MGAM: variants seen among roughly 807,000 people sequenced by gnomAD.
MGAM encodes maltase-glucoamylase, also known as alpha-1,4-glucosidase.
A neutral mutation model predicts 358.8 loss-of-function variants in MGAM; 253 were observed. The observed-to-expected ratio is 0.71, with a 90% CI of 0.64 to 0.78. The LOEUF is 0.78. Among genes scored for constraint, MGAM ranks in the 30% least tolerant of loss-of-function variants. The pLI, the probability that MGAM is intolerant of heterozygous loss-of-function variation, is 0.00. For missense variants in MGAM, 3,080 were observed against 3,432.6 expected (o/e 0.90, Z 2.57); for synonymous variants, 1,105 against 1,227.1 (o/e 0.90, Z 2.08).
intron 66 of MGAM, among the ~76,000 whole-genome samples, chr7:142,098,146 C>T (rs534186171): frequency 6.6e-6 from 1 of 152,194 alleles, no homozygotes; most frequent in African/African-American, 2.4e-5. Flanking sequence ...AGGCAATGTG[C>T]AAAACACACA....
chr7:142,079,934 C>T (rs1195550870), intron 49 of MGAM, among the ~76,000 whole-genome samples: 1 of 146,404 alleles, frequency 6.8e-6, no homozygotes, highest in African/African-American at 2.4e-5. Context: ...GAATGAACTT[C>T]CTTGGAGTTC....
intron 20 of MGAM, 164 bp downstream of exon 20, chr7:142,040,335 T>C: frequency 1.6e-6 from 1 of 631,704 alleles, no homozygotes. Context: ...CCTAAACCGT[T>C]AACATCAGTC....
intron 65 of MGAM, 57 bp from the exon 66 acceptor site, chr7:142,097,536 G>A: frequency 6.5e-7 from 1 of 1,532,972 alleles, no homozygotes; most frequent in Non-Finnish European, 9.0e-7. Flanking sequence ...AAGTATTTTG[G>A]TTTCTCTGTC....
chr7:142,045,238 TC>T (rs1809996808), intron 21 of MGAM, among the ~76,000 whole-genome samples: 1 of 31,946 alleles, frequency 3.1e-5, no homozygotes, highest in Non-Finnish European at 6.8e-5. Context: ...ATATTATATA[TC>T]ATATAATATA....
At chr7:141,988,879 T>A (rs1803820138) in intron 2 of MGAM, among the ~76,000 whole-genome samples, 1 of 152,224 alleles carries the variant, frequency 6.6e-6, no homozygotes, top group Non-Finnish European at 1.5e-5. Context: ...CTCTGAACAT[T>A]TCTGGGCAGA....
intron 41 of MGAM, among the ~76,000 whole-genome samples, chr7:142,066,996 A>T (rs943771328): frequency 2.7e-5 from 4 of 146,518 alleles, no homozygotes; most frequent in Admixed American, 1.4e-4. Context: ...GGCCTATCTT[A>T]TGTAGCAGTT....
At chr7:142,032,771 A>G (rs1807621371) in intron 13 of MGAM, 54 bp from the exon 14 acceptor site, 3 of 1,088,716 alleles carry the variant, frequency 2.8e-6, no homozygotes, top group Non-Finnish European at 4.1e-6. Flanking sequence ...CCATCACGAC[A>G]TCATAAGATA....
At chr7:142,009,132 C>G (rs1200136066) in intron 3 of MGAM, among the ~76,000 whole-genome samples, 1 of 152,100 alleles carries the variant, frequency 6.6e-6, no homozygotes, top group Non-Finnish European at 1.5e-5. Flanking sequence ...ATTTCCAAAG[C>G]TCATCTAGAA....
chr7:142,029,266 A>G (rs1321943413), intron 10 of MGAM, among the ~76,000 whole-genome samples: 3 of 152,030 alleles, frequency 2.0e-5, no homozygotes, highest in African/African-American at 7.2e-5. Context: ...AAGCTGAGAC[A>G]TGAGAATCAC....
chr7:142,008,868 A>T (rs1805381230), intron 3 of MGAM, among the ~76,000 whole-genome samples, 163 bp downstream of exon 3: 1 of 152,054 alleles, frequency 6.6e-6, no homozygotes, highest in African/African-American at 2.4e-5. Context: ...CCATGCTTGT[A>T]TGACAGTGCA....
intron 27 of MGAM, 131 bp from the exon 28 acceptor site, chr7:142,055,427 T>G (rs987490763): frequency 1.7e-5 from 19 of 1,086,502 alleles, no homozygotes; most frequent in African/African-American, 7.9e-5. Context: ...TCAAATTGAG[T>G]TTCAGTTTTG....
intron 1 of MGAM, among the ~76,000 whole-genome samples, chr7:142,003,936 A>G (rs1804948018): frequency 6.6e-6 from 1 of 152,168 alleles, no homozygotes; most frequent in South Asian, 2.1e-4. Context: ...AAAACATGAA[A>G]AAATGCTCAA....
intron 2 of MGAM, among the ~76,000 whole-genome samples, chr7:141,986,573 C>T (rs887541279): frequency 7.2e-5 from 11 of 152,158 alleles, no homozygotes; most frequent in South Asian, 6.2e-4. Context: ...TTTCCTATGG[C>T]ATTCTTTTCA....
At position 142,057,003 on chromosome 7, in the gene MGAM, C is replaced by T. The variant is rs747860293; in HGVS notation, c.3693+61C>T. The T allele has an allele frequency of 2.1e-4, 305 of 1,486,604 alleles. 2 individuals are homozygous for T. The highest frequency in any genetic ancestry group is 1.5e-4 in the Non-Finnish European group (160 of 1,077,070). 92.1% of individuals were successfully genotyped at this position (1,486,604 alleles called of 1,614,324 possible). A position where few individuals can be genotyped will look rare whatever the true frequency, so the allele number is the denominator to read the frequency against. On this transcript the variant is annotated intron_variant, in intron 30 of 70. Transcript: ENST00000475668. ...ACAGCACATTCTGGGTGCCAGAGTC[C>T]ACATTGATTAGTATAACTCTCAGTT...
chr7:142,100,863 C>A lies in MGAM; in HGVS notation c.7936C>A (p.Leu2646Ile), dbSNP rs1816382530. The change falls in exon 68 of 71, where the codon CTC becomes ATC. Residue 2646 changes from leucine to isoleucine, a missense_variant. By Grantham distance (5) the Leu-to-Ile change is conservative (BLOSUM62 2). Transcript: ENST00000475668. The part of the protein sequence containing the change: ...LDDEGTAGGW[L>I]FWDDGQSIDT... ...TGATGAAGGAACTGCTGGGGGCTGG[C>A]TCTTCTGGGATGATGGGCAAAGCAT... The A allele has an allele frequency of 1.2e-6, 2 of 1,613,066 alleles. No homozygotes were observed. The highest frequency in any genetic ancestry group is 4.5e-5 in the East Asian group (2 of 44,876).
chr7:142,080,883 T>C lies in MGAM; in HGVS notation c.5940T>C (p.Asp1980=). The C allele has an allele frequency of 6.4e-7, 1 of 1,556,708 alleles. No individual in the cohort carries two copies. ...GCACCCCTGAGGGTCAACTCTATGA[T>C]GTCCTCATTAAGAAGAATCCATTTG... The part of the protein sequence containing the change: ...PSSTPEGQLY[D]VLIKKNPFGI... The change falls in exon 50 of 71, where the codon GAT becomes GAC. Residue 1980 remains aspartate, a synonymous_variant. Coordinates refer to ENST00000475668, the MANE Select transcript of MGAM (RefSeq NM_001365693.1).
chr7:142,062,717 GTC>G lies in MGAM; in HGVS notation c.4257+19_4257+20del, dbSNP rs1489137231. ...GCATGTGGATTGTAAGTGTGTGTGT[GTC>G]TCTGTGTACCAGTGGCTCTTGTCTA... is the stretch of plus-strand genomic sequence containing the variant. On this transcript the variant is annotated intron_variant, in intron 35 of 70. Transcript: ENST00000475668. 1 of 1,610,960 alleles carries G rather than the reference GTC, an allele frequency of 6.2e-7. No homozygotes were observed. Among genetic ancestry groups the G allele is most frequent in the Non-Finnish European group, 8.5e-7 (1 of 1,178,670 alleles).
rs753204299 is a variant in MGAM at position 142,088,820 on chromosome 7, A to ACCAT, written c.6810+2105_6810+2108dup. 4.9e-5 allele frequency among the ~76,000 whole-genome samples: 4 copies of ACCAT among 81,168 alleles called. 1 individual carries two copies. The highest frequency in any genetic ancestry group is 1.7e-4 in the African/African-American group (4 of 23,900). 53.2% of individuals were successfully genotyped at this position (81,168 alleles called of 152,430 possible). A position where few individuals can be genotyped will look rare whatever the true frequency, so the allele number is the denominator to read the frequency against. The stretch of plus-strand genomic sequence containing the variant: ...ATCTATCATTCTATCCTATCTATGT[A>ACCAT]CCATCTATCTATCTATCTATCTATC... On this transcript the variant is annotated intron_variant, in intron 57 of 70. Transcript: ENST00000475668.
intron 3 of MGAM, among the ~76,000 whole-genome samples, chr7:142,011,776 G>A (rs1483184531): frequency 1.1e-4 from 17 of 152,102 alleles, no homozygotes; most frequent in African/African-American, 4.1e-4. Context: ...ATGTTTCTCT[G>A]AATATTCACC....
Sources: gnomAD v4.1 joint callset for allele counts (sites outside exome capture counted in the v4.1 genomes callset) on GRCh38, gnomAD v4.1.1 for gene constraint, MANE v1.5 for transcripts, NCBI Gene and HGNC (gene_info 2026-07-23, HGNC 2026-07-21) for gene names.